GPM6B: variants seen among roughly 807,000 people sequenced by gnomAD.
GPM6B encodes the protein glycoprotein M6B, also known as neuronal membrane glycoprotein M6-b.
GPM6B carries 4 observed loss-of-function variants against 27.2 expected under a neutral mutation model. That is an observed-to-expected ratio of 0.15 (90% CI 0.07 to 0.34). The LOEUF (loss-of-function observed/expected upper bound fraction) is 0.34, where lower values mean the gene tolerates loss of function less well. Among genes scored for constraint, GPM6B ranks in the 10% least tolerant of loss-of-function variants. The probability of loss-of-function intolerance (pLI) is 1.00; values close to 1 mark genes in which losing one functional copy is unlikely to be tolerated. For missense variants in GPM6B, 183 were observed against 261.9 expected, an observed-to-expected ratio of 0.70 and a Z score of 2.08; for synonymous variants, 124 against 103.1, an observed-to-expected ratio of 1.20 and a Z score of -1.23.
At chrX:13,787,776 G>A (rs749398471) in intron 2 of GPM6B, among the ~76,000 whole-genome samples, 2 of 111,638 alleles carry the variant, frequency 1.8e-5, no homozygotes, top group Non-Finnish European at 3.8e-5. Flanking sequence ...CCTTGGCCTT[G>A]ACGTATCTCA....
chrX:13,838,700 C>T (rs913205204), intron 1 of GPM6B, among the ~76,000 whole-genome samples: 6 of 111,719 alleles, frequency 5.4e-5, no homozygotes, highest in African/African-American at 2.0e-4. Context: ...TTCCCCTGCC[C>T]AAAGGGAGGA....
chrX:13,773,300 C>T (rs982991996), intron 7 of GPM6B: 11 of 189,472 alleles, frequency 5.8e-5, no homozygotes, highest in Non-Finnish European at 8.9e-5. Context: ...AAATGAAATA[C>T]GAGAGGGTGC....
chrX:13,796,841 T>C (rs1489883310), intron 2 of GPM6B, among the ~76,000 whole-genome samples: 1 of 112,196 alleles, frequency 8.9e-6, no homozygotes, highest in Non-Finnish European at 1.9e-5. Context: ...TACGCTTCCA[T>C]GACTGGGAAT....
chrX:13,893,607 C>G (rs748632243), intron 1 of GPM6B, among the ~76,000 whole-genome samples: 1 of 112,205 alleles, frequency 8.9e-6, no homozygotes. Context: ...GCAGCCAAAA[C>G]GAAGAAAGAC....
intron 1 of GPM6B, among the ~76,000 whole-genome samples, chrX:13,835,694 C>G (rs1157203890): frequency 8.9e-6 from 1 of 112,168 alleles, no homozygotes; most frequent in Non-Finnish European, 1.9e-5. Flanking sequence ...AAAAGCTAGT[C>G]TTACGTGTAC....
intron 6 of GPM6B, 58 bp from the exon 7 acceptor site, chrX:13,776,361 T>A: frequency 2.1e-6 from 2 of 935,533 alleles, no homozygotes; most frequent in Non-Finnish European, 1.5e-6. Context: ...TGGCCTACAC[T>A]CATTGTGGGG....
chrX:13,772,107 C>G lies in GPM6B; in HGVS notation c.*774G>C, dbSNP rs747245597. 1 of 112,045 alleles carries G rather than the reference C, an allele frequency of 8.9e-6. No homozygotes were observed. 9.2% of individuals were successfully genotyped at this position (112,045 alleles called of 1,213,427 possible). On this transcript the variant is annotated 3_prime_UTR_variant, in exon 8 of 8. Coordinates refer to ENST00000316715, the MANE Select transcript of GPM6B (RefSeq NM_001001995.3). ...GATATAAATTCTTAGAAATTTAAAG[C>G]AAATACTCATTAAGGCAAAGCTGAC...
chrX:13,818,773 T>C (rs779249515), upstream of GPM6B, among the ~76,000 whole-genome samples: 5 of 112,645 alleles, frequency 4.4e-5, no homozygotes, highest in African/African-American at 1.6e-4. Context: ...TAGGACAGTC[T>C]TAGACATTTT....
Position 13,812,177 on chromosome X carries a change from GTA to G in GPM6B, c.62-4410_62-4409del, listed in dbSNP as rs1351509061. Among the ~76,000 whole-genome samples, 7 of 107,047 alleles carry G rather than the reference GTA, an allele frequency of 6.5e-5. No individual in the cohort carries two copies. The East Asian group carries it at 1.8e-3, about 27-fold the overall frequency. 93.0% of individuals were successfully genotyped at this position (107,047 alleles called of 115,157 possible). A position where few individuals can be genotyped will look rare whatever the true frequency, so the allele number is the denominator to read the frequency against. ...CCATTCTCCTGCCTCAGCCTCCTGA[GTA>G]GCTGGGATTACAGGCACACACCACC... is the stretch of plus-strand genomic sequence containing the variant. On this transcript the variant is annotated intron_variant, in intron 1 of 7. Transcript: ENST00000316715.
At chrX:13,919,313 T>G (rs1057452865) in intron 1 of GPM6B, among the ~76,000 whole-genome samples, 3 of 112,704 alleles carry the variant, frequency 2.7e-5, no homozygotes, top group African/African-American at 9.7e-5. Context: ...AACCAAGGTA[T>G]GCATTTCTAC....
At position 13,896,788 on chromosome X, in the gene GPM6B, G is replaced by A. The variant is rs751591816; in HGVS notation, c.-198+41539C>T. ...TCACCATGCTAGCCAGGCTGGTCTC[G>A]AACTCCTGACCTCAGGTGATCCACC... On this transcript the variant is annotated intron_variant, in intron 1 of 6. Transcript: ENST00000398361. Among the ~76,000 whole-genome samples, 158 of 111,022 alleles carry A rather than the reference G, an allele frequency of 1.4e-3. 1 individual carries two copies. The highest frequency in any genetic ancestry group is 4.8e-3 in the African/African-American group (145 of 30,518).
At chrX:13,855,893 A>C in intron 1 of GPM6B, among the ~76,000 whole-genome samples, 1 of 111,291 alleles carries the variant, frequency 9.0e-6, no homozygotes, top group South Asian at 3.8e-4. Flanking sequence ...AGATTCTGTC[A>C]TTTGCTTGTG....
chrX:13,839,395 C>T (rs1415960596), intron 1 of GPM6B, among the ~76,000 whole-genome samples: 1 of 111,901 alleles, frequency 8.9e-6, no homozygotes, highest in Non-Finnish European at 1.9e-5. Flanking sequence ...ATTACCCAAT[C>T]ACCTTAGACA....
chrX:13,822,936 G>A (rs1269695203), intron 1 of GPM6B, among the ~76,000 whole-genome samples: 1 of 112,144 alleles, frequency 8.9e-6, no homozygotes, highest in Non-Finnish European at 1.9e-5. Flanking sequence ...AATTTAGAAT[G>A]TGACTGTCTA....
At chrX:13,892,564 T>C (rs2050198077) in intron 1 of GPM6B, among the ~76,000 whole-genome samples, 1 of 111,614 alleles carries the variant, frequency 9.0e-6, no homozygotes, top group Non-Finnish European at 1.9e-5. Flanking sequence ...CAAAATCTGT[T>C]TTTTGTTTTG....
intron 2 of GPM6B, among the ~76,000 whole-genome samples, chrX:13,792,639 C>T (rs1396346637): frequency 1.8e-5 from 2 of 111,975 alleles, no homozygotes; most frequent in Admixed American, 9.4e-5. Context: ...GGGTGGCTCA[C>T]GCCTGTAATC....
At chrX:13,786,696 C>T (rs1198684151) in intron 2 of GPM6B, among the ~76,000 whole-genome samples, 1 of 111,050 alleles carries the variant, frequency 9.0e-6, no homozygotes, top group Non-Finnish European at 1.9e-5. Context: ...CCAAAATGAA[C>T]ATCCATGAAG....
At chrX:13,812,548 A>G (rs2049158087) in intron 1 of GPM6B, among the ~76,000 whole-genome samples, 1 of 111,623 alleles carries the variant, frequency 9.0e-6, no homozygotes, top group African/African-American at 3.3e-5. Context: ...TGTCTTTGTA[A>G]CAATCCAATC....
chrX:13,858,300 T>C (rs1762617080), intron 1 of GPM6B, among the ~76,000 whole-genome samples: 1 of 111,831 alleles, frequency 8.9e-6, no homozygotes, highest in Non-Finnish European at 1.9e-5. Context: ...TTCTGTTCGT[T>C]CCCCTCTCTG....
Sources: allele counts gnomAD v4.1 joint callset (sites outside exome capture counted in the v4.1 genomes callset), GRCh38; gene constraint gnomAD v4.1.1; transcripts MANE v1.5; gene names NCBI Gene and HGNC (gene_info 2026-07-23, HGNC 2026-07-21).